Variants in RPL28 observed in about 807,000 individuals in gnomAD.
RPL28 encodes the protein ribosomal protein L28, also known as large ribosomal subunit protein eL28.
A neutral mutation model predicts 12.5 loss-of-function variants in RPL28; 4 were observed. That is an observed-to-expected ratio of 0.32 (90% CI 0.16 to 0.73). The LOEUF is 0.73. Ranked by LOEUF, RPL28 falls within the 30% of genes least tolerant of loss-of-function variation. RPL28 has a pLI of 0.66. For missense variants in RPL28, 214 were observed against 197.7 expected (o/e 1.08, Z -0.49); for synonymous variants, 91 against 72.5 (o/e 1.26, Z -1.30).
At position 55,391,632 on chromosome 19, in the gene RPL28, T is replaced by C; in HGVS notation, c.*3300T>C. Reference sequence around the variant, plus strand: ...TTGGGCAAGTTCCTCAACCTCTCTGTGTCTTCGTACCCTCATCTGTAACAT... The same window carrying C: ...TTGGGCAAGTTCCTCAACCTCTCTGCGTCTTCGTACCCTCATCTGTAACAT... On this transcript the variant is annotated 3_prime_UTR_variant, in exon 5 of 5. Coordinates refer to ENST00000344063, the MANE Select transcript of RPL28 (RefSeq NM_000991.5). The C allele has an allele frequency of 6.5e-7, 1 of 1,546,120 alleles. No individual in the cohort carries two copies. The highest frequency in any genetic ancestry group is 8.8e-7 in the Non-Finnish European group (1 of 1,141,952).
At chr19:55,401,730 G>A (rs144579162) in intron 4 of RPL28, 33 of 1,613,334 alleles carry the variant, frequency 2.0e-5, no homozygotes, top group Middle Eastern at 1.6e-4. Context: ...GTGCAGACTC[G>A]GGGTTAGGGT....
At chr19:55,398,026 T>A (rs2090035003) in intron 4 of RPL28, among the ~76,000 whole-genome samples, 1 of 151,980 alleles carries the variant, frequency 6.6e-6, no homozygotes, top group African/African-American at 2.4e-5. Flanking sequence ...TGAAACCCTG[T>A]CTCTACTAAA....
chr19:55,395,659 G>T (rs572353455), downstream of RPL28, among the ~76,000 whole-genome samples: 18 of 148,178 alleles, frequency 1.2e-4, no homozygotes, highest in Admixed American at 4.7e-4. Flanking sequence ...TAGCCAGGAT[G>T]GTCTCAATCT....
intron 4 of RPL28, 26 bp from the exon 5 acceptor site, chr19:55,388,217 G>A (rs768620902): frequency 8.6e-6 from 13 of 1,518,848 alleles, no homozygotes; most frequent in East Asian, 2.4e-5. Flanking sequence ...TATGGGCTGA[G>A]CCTTGCTCTG....
At chr19:55,386,902 G>T in intron 3 of RPL28, 2 of 1,503,946 alleles carry the variant, frequency 1.3e-6, no homozygotes, top group Non-Finnish European at 1.8e-6. Context: ...CACCTGTAAA[G>T]TGGAGAAATG....
intron 4 of RPL28, among the ~76,000 whole-genome samples, chr19:55,402,182 A>T (rs895998525): frequency 1.3e-5 from 2 of 152,244 alleles, no homozygotes; most frequent in Admixed American, 1.3e-4. Flanking sequence ...TGAGGCCTGC[A>T]GCCTGGACAG....
Position 55,390,753 on chromosome 19 carries a change from CGGT to C in RPL28, c.*2424_*2426del. ...GCCACGTCTGGTATCTGAATGCTATCGGTGGGTTGGGGTGGAGGAACCAGGAGA... is the reference window on the plus strand; with the variant it reads ...GCCACGTCTGGTATCTGAATGCTATCGGGTTGGGGTGGAGGAACCAGGAGA... On this transcript the variant is annotated 3_prime_UTR_variant, in exon 5 of 5. Coordinates refer to ENST00000344063, the MANE Select transcript of RPL28 (RefSeq NM_000991.5). 3 of 985,374 alleles carry C rather than the reference CGGT, an allele frequency of 3.0e-6. No individual in the cohort carries two copies. The highest frequency in any genetic ancestry group is 3.6e-6 in the Non-Finnish European group (3 of 829,956). The allele number at this position is 985,374 out of a possible 1,614,324, so 61.0% of individuals were successfully genotyped here. A position where few individuals can be genotyped will look rare whatever the true frequency, so the allele number is the denominator to read the frequency against.
rs772107710 is a variant in RPL28 at position 55,386,641 on chromosome 19, G to C, written c.153G>C (p.Val51=). ...TGATTCACCGCAAGACTGTGGGCGT[G>C]GAGCCGGCAGCCGACGGCAAAGGTG... ...NGLIHRKTVG[V]EPAADGKGVV... Residue 51 remains valine, a synonymous_variant, in exon 3 of 5, where the codon GTG becomes GTC. Coordinates refer to ENST00000344063, the MANE Select transcript of RPL28 (RefSeq NM_000991.5). The C allele has an allele frequency of 3.1e-6, 5 of 1,614,028 alleles. No individual in the cohort carries two copies. The highest frequency in any genetic ancestry group is 1.7e-5 in the Admixed American group (1 of 60,004).
At chr19:55,400,580 A>C (rs1393252398) in intron 4 of RPL28, 1 of 152,258 alleles carries the variant, frequency 6.6e-6, no homozygotes, top group Non-Finnish European at 1.5e-5. Flanking sequence ...AAGGAGGGGC[A>C]GCTTCTTGGA....
chr19:55,387,049 G>A, intron 3 of RPL28: 1 of 1,441,554 alleles, frequency 6.9e-7, no homozygotes, highest in South Asian at 1.5e-5. Flanking sequence ...GGCACAACAG[G>A]GGAGGGGCCC....
Position 55,385,961 on chromosome 19 carries a change from G to A in RPL28, c.-13G>A, listed in dbSNP as rs938403250. The A allele has an allele frequency of 1.6e-5, 4 of 249,478 alleles. No individual in the cohort carries two copies. Among genetic ancestry groups the A allele is most frequent in the South Asian group, 4.4e-5 (1 of 22,476 alleles). 15.5% of individuals were successfully genotyped at this position (249,478 alleles called of 1,614,324 possible). On this transcript the variant is annotated 5_prime_UTR_variant, in exon 1 of 5. Transcript: ENST00000344063. ...TTCCGTCTCAGGTCGCCGCTGCGAA[G>A]GGAGGTGAGCGTTCGTCTTCCTCGC... is the stretch of plus-strand genomic sequence containing the variant.
Position 55,389,419 on chromosome 19 carries a change from CTG to C in RPL28, c.*1089_*1090del, listed in dbSNP as rs1332545491. On this transcript the variant is annotated 3_prime_UTR_variant, in exon 5 of 5. Transcript: ENST00000344063. ...TCACATGTTTCCTGGGCACCTAACTCTGTCAGCCACTGCCAGGGACCAAGGAT... is the reference window on the plus strand; with the variant it reads ...TCACATGTTTCCTGGGCACCTAACTCTCAGCCACTGCCAGGGACCAAGGAT... 1.7e-5 allele frequency: 17 copies of C among 985,302 alleles called. No individual in the cohort carries two copies. The highest frequency in any genetic ancestry group is 1.9e-5 in the Non-Finnish European group (16 of 829,960). The allele number at this position is 985,302 out of a possible 1,614,324, so 61.0% of individuals were successfully genotyped here. A position where few individuals can be genotyped will look rare whatever the true frequency, so the allele number is the denominator to read the frequency against.
downstream of RPL28, among the ~76,000 whole-genome samples, chr19:55,395,497 G>A (rs1216595800): frequency 5.5e-5 from 8 of 146,354 alleles, no homozygotes; most frequent in East Asian, 4.0e-4. Context: ...AGTCTGGAGT[G>A]CAGTGGCGCC....
At position 55,389,818 on chromosome 19, in the gene RPL28, C is replaced by T. The variant is rs10424289; in HGVS notation, c.*1486C>T. 7.1e-3 allele frequency: 6,993 copies of T among 984,860 alleles called. 413 individuals are homozygous for T. The African/African-American group carries it at 0.11, about 16-fold the overall frequency. The allele number at this position is 984,860 out of a possible 1,614,324, so 61.0% of individuals were successfully genotyped here. A position where few individuals can be genotyped will look rare whatever the true frequency, so the allele number is the denominator to read the frequency against. ...GGTGACTTGGTACCTGCTCAGGACC[C>T]CCCGCACTGTCCCAATCCCACTCAG... is the stretch of plus-strand genomic sequence containing the variant. On this transcript the variant is annotated 3_prime_UTR_variant, in exon 5 of 5. Transcript: ENST00000344063.
rs1008918715 is a variant in RPL28, at chr19:55,390,245, C to T, written c.*1913C>T. 9 of 978,060 alleles carry T rather than the reference C, an allele frequency of 9.2e-6. No homozygotes were observed. In the South Asian group the frequency reaches 3.8e-4, roughly 41 times the overall value. 60.6% of individuals were successfully genotyped at this position (978,060 alleles called of 1,614,324 possible). ...GGAGATGGAGTCTCGCTCTGTTGCC[C>T]AGGCTGGCGAGTGCAATGGCGCGAT... On this transcript the variant is annotated 3_prime_UTR_variant, in exon 5 of 5. Transcript: ENST00000344063.
rs541955981 is a variant in RPL28 at position 55,391,318 on chromosome 19, C to T, written c.*2986C>T. 13 of 782,930 alleles carry T rather than the reference C, an allele frequency of 1.7e-5. No individual in the cohort carries two copies. Among genetic ancestry groups the T allele is most frequent in the Middle Eastern group, 4.3e-4 (1 of 2,326 alleles). 48.5% of individuals were successfully genotyped at this position (782,930 alleles called of 1,614,324 possible). ...ACTTGGGCAGCTCGTTTAGTAGCAC[C>T]GTGCCTCAGTTTCCCATATGTAAAA... On this transcript the variant is annotated 3_prime_UTR_variant, in exon 5 of 5. Transcript: ENST00000344063.
chr19:55,399,489 T>A, intron 4 of RPL28, among the ~76,000 whole-genome samples: 1 of 152,000 alleles, frequency 6.6e-6, no homozygotes, highest in East Asian at 1.9e-4. Flanking sequence ...TTAACGGAGG[T>A]TTCATTACAT....
intron 3 of RPL28, chr19:55,387,265 G>C: frequency 1.7e-5 from 27 of 1,549,878 alleles, no homozygotes; most frequent in Non-Finnish European, 2.4e-5. Flanking sequence ...GTTCTTGACA[G>C]GGCTGTATTT....
chr19:55,395,498 C>T (rs375637586), downstream of RPL28, among the ~76,000 whole-genome samples: 5 of 147,576 alleles, frequency 3.4e-5, no homozygotes, highest in African/African-American at 1.0e-4. Flanking sequence ...GTCTGGAGTG[C>T]AGTGGCGCCA....
Sources: gnomAD v4.1 joint callset for allele counts (sites outside exome capture counted in the v4.1 genomes callset) on GRCh38, gnomAD v4.1.1 for gene constraint, MANE v1.5 for transcripts, NCBI Gene and HGNC (gene_info 2026-07-23, HGNC 2026-07-21) for gene names.